Variants in APBB2 observed in about 807,000 individuals in gnomAD.
APBB2 encodes Fe65-like 1.
APBB2 carries 38 observed loss-of-function variants against 82.5 expected under a neutral mutation model. The ratio of observed to expected loss-of-function variants is 0.46; its 90% CI spans 0.36 to 0.60. APBB2 has a LOEUF of 0.60. Ranked by LOEUF, APBB2 falls within the 20% of genes least tolerant of loss-of-function variation. The pLI is 0.00. For missense variants in APBB2, 772 were observed against 972.3 expected, an observed-to-expected ratio of 0.79 and a Z score of 2.74; for synonymous variants, 341 against 368.2, an observed-to-expected ratio of 0.93 and a Z score of 0.85.
intron 4 of APBB2, among the ~76,000 whole-genome samples, chr4:41,041,056 A>G (rs1721226214): frequency 6.6e-6 from 1 of 151,854 alleles, no homozygotes; most frequent in Non-Finnish European, 1.5e-5. Context: ...GATTTTTTGT[A>G]TTTTTAGTAG....
At chr4:41,213,864 G>A (rs1367210219) in intron 1 of APBB2, among the ~76,000 whole-genome samples, 1 of 152,202 alleles carries the variant, frequency 6.6e-6, no homozygotes, top group East Asian at 1.9e-4. Flanking sequence ...TCGTGGAGAA[G>A]CCAACCCCGG....
intron 4 of APBB2, among the ~76,000 whole-genome samples, chr4:41,056,624 AC>A (rs1472338333): frequency 6.6e-6 from 1 of 152,200 alleles, no homozygotes; most frequent in Non-Finnish European, 1.5e-5. Context: ...TCTTCTCAAT[AC>A]CCCAGAGAAG....
At chr4:40,937,320 C>T (rs1785619831) in intron 7 of APBB2, among the ~76,000 whole-genome samples, 1 of 152,144 alleles carries the variant, frequency 6.6e-6, no homozygotes, top group Non-Finnish European at 1.5e-5. Context: ...AGAGTATTTT[C>T]TAAAACAAGT....
chr4:41,104,118 T>C (rs1276545493), intron 2 of APBB2, among the ~76,000 whole-genome samples: 1 of 152,116 alleles, frequency 6.6e-6, no homozygotes, highest in Non-Finnish European at 1.5e-5. Context: ...TCAAACAAGA[T>C]CAAGATTAAA....
chr4:40,849,149 T>G (rs918571121), intron 12 of APBB2, among the ~76,000 whole-genome samples: 2 of 152,246 alleles, frequency 1.3e-5, no homozygotes, highest in South Asian at 4.1e-4. Flanking sequence ...TTCCTTTTTC[T>G]CCTGCTATTG....
chr4:41,146,750 G>A (rs2585582), intron 1 of APBB2, among the ~76,000 whole-genome samples: 146,873 of 152,294 alleles, frequency 0.96, 70,974 homozygotes, highest in Non-Finnish European at 0.99. Flanking sequence ...AGGAGGACAG[G>A]TGGCAATGAC....
At chr4:41,015,273 GA>G (rs1232433574) in intron 5 of APBB2, among the ~76,000 whole-genome samples, 1 of 152,174 alleles carries the variant, frequency 6.6e-6, no homozygotes, top group Admixed American at 6.5e-5. Context: ...TCGCTGGGAA[GA>G]AAGAAAGGTT....
At chr4:41,098,556 A>G (rs1204105698) in intron 3 of APBB2, among the ~76,000 whole-genome samples, 1 of 152,220 alleles carries the variant, frequency 6.6e-6, no homozygotes, top group East Asian at 1.9e-4. Context: ...TCTTTAGCTT[A>G]CTGTAAACAC....
At chr4:41,112,257 G>C (rs547140418) in intron 2 of APBB2, among the ~76,000 whole-genome samples, 1 of 152,358 alleles carries the variant, frequency 6.6e-6, no homozygotes, top group South Asian at 2.1e-4. Flanking sequence ...CTTCAGTGGA[G>C]TTCCAATGAA....
At position 41,033,028 on chromosome 4, in the gene APBB2, C is replaced by T. The variant is rs377689455; in HGVS notation, c.19+208G>A. Among the ~76,000 whole-genome samples, 53 of 151,958 alleles carry T rather than the reference C, an allele frequency of 3.5e-4. No individual in the cohort carries two copies. In the East Asian group the frequency reaches 5.2e-3, roughly 15 times the overall value. ...TCGATCTCCTGACCTCGTGATCCGC[C>T]GGTCTCGGCCTCCCAAAGTGCTGGG... On this transcript the variant is annotated intron_variant, in intron 5 of 17. Transcript: ENST00000508593.
chr4:41,134,724 G>A (rs937750260), intron 2 of APBB2, among the ~76,000 whole-genome samples: 5 of 152,114 alleles, frequency 3.3e-5, no homozygotes, highest in African/African-American at 9.7e-5. Context: ...CCCCCGCCTT[G>A]AGCCACTCCC....
At chr4:41,173,718 T>C (rs1768970707) in intron 1 of APBB2, among the ~76,000 whole-genome samples, 1 of 152,174 alleles carries the variant, frequency 6.6e-6, no homozygotes, top group Admixed American at 6.5e-5. Flanking sequence ...TAACATGCTG[T>C]ACAGGTCCAT....
intron 4 of APBB2, among the ~76,000 whole-genome samples, chr4:41,046,478 A>G (rs1723470372): frequency 6.6e-6 from 1 of 152,230 alleles, no homozygotes; most frequent in Non-Finnish European, 1.5e-5. Flanking sequence ...ACCAAACAAA[A>G]TGATCCCAAA....
chr4:41,012,317 T>C (rs1349785545), intron 6 of APBB2, among the ~76,000 whole-genome samples: 1 of 152,218 alleles, frequency 6.6e-6, no homozygotes, highest in Non-Finnish European at 1.5e-5. Flanking sequence ...CTTTCATGTA[T>C]TAATAGATTC....
intron 6 of APBB2, among the ~76,000 whole-genome samples, chr4:41,002,039 C>T (rs1045201733): frequency 3.9e-5 from 6 of 152,112 alleles, no homozygotes; most frequent in African/African-American, 4.8e-5. Flanking sequence ...TTCTAATAGT[C>T]AAATTATTTG....
chr4:40,993,835 C>T (rs1802855621), intron 6 of APBB2, among the ~76,000 whole-genome samples: 1 of 152,148 alleles, frequency 6.6e-6, no homozygotes, highest in African/African-American at 2.4e-5. Flanking sequence ...ACTTCAAACA[C>T]AACAGAAGGC....
chr4:40,850,342 C>T (rs1758938554), intron 12 of APBB2, among the ~76,000 whole-genome samples: 5 of 152,104 alleles, frequency 3.3e-5, no homozygotes. Context: ...ACAACTATAA[C>T]AAGTATGTCA....
intron 6 of APBB2, among the ~76,000 whole-genome samples, chr4:40,997,175 A>G (rs974972992): frequency 1.3e-5 from 2 of 151,976 alleles, no homozygotes; most frequent in Non-Finnish European, 2.9e-5. Flanking sequence ...CTACTATATA[A>G]ACCCCTAAGT....
intron 3 of APBB2, among the ~76,000 whole-genome samples, chr4:41,070,754 A>G (rs1022553776): frequency 2.6e-5 from 4 of 152,202 alleles, no homozygotes; most frequent in Admixed American, 1.3e-4. Context: ...TGATCCTGAA[A>G]ACATCAAATC....
Sources: gnomAD v4.1 joint callset for allele counts (sites outside exome capture counted in the v4.1 genomes callset) on GRCh38, gnomAD v4.1.1 for gene constraint, MANE v1.5 for transcripts, NCBI Gene and HGNC (gene_info 2026-07-23, HGNC 2026-07-21) for gene names.